Variants in DNER observed in about 807,000 individuals in gnomAD.
DNER encodes the protein delta and Notch-like epidermal growth factor-related receptor.
Under a neutral mutation model 78.2 loss-of-function variants are expected in DNER, and 33 were observed. The observed-to-expected ratio is 0.42, with a 90% CI of 0.32 to 0.56. DNER has a LOEUF of 0.56. Ranked by LOEUF, DNER falls within the 20% of genes least tolerant of loss-of-function variation. DNER has a pLI of 0.11. For missense variants in DNER, 918 were observed against 975.3 expected, an observed-to-expected ratio of 0.94 and a Z score of 0.78; for synonymous variants, 417 against 384.8, an observed-to-expected ratio of 1.08 and a Z score of -0.98.
chr2:229,602,624 A>G (rs568160117), intron 1 of DNER, among the ~76,000 whole-genome samples: 63 of 152,356 alleles, frequency 4.1e-4, no homozygotes, highest in Middle Eastern at 6.8e-3. Flanking sequence ...CAAGATCAAA[A>G]TTTACCAAAA....
At chr2:229,529,468 A>G (rs1366914271) in intron 5 of DNER, among the ~76,000 whole-genome samples, 1 of 152,182 alleles carries the variant, frequency 6.6e-6, no homozygotes, top group Non-Finnish European at 1.5e-5. Flanking sequence ...TTTCATCATC[A>G]CTTCAGCTGG....
At chr2:229,589,698 G>T (rs1697565674) in intron 2 of DNER, among the ~76,000 whole-genome samples, 1 of 152,142 alleles carries the variant, frequency 6.6e-6, no homozygotes, top group Non-Finnish European at 1.5e-5. Flanking sequence ...TGGTTAGGGA[G>T]AAATTTTCTT....
rs117010649 is a variant in DNER, at chr2:229,668,900, A to G, written c.276+45248T>C. On this transcript the variant is annotated intron_variant, in intron 1 of 12. Coordinates refer to ENST00000341772, the MANE Select transcript of DNER (RefSeq NM_139072.4). ...TATCCAAAGAATTATAAATTATTCT[A>G]CTATAAAGACATATGCACACCTATG... Among the ~76,000 whole-genome samples the G allele has an allele frequency of 3.3e-4, 50 of 152,204 alleles. 1 individual carries two copies. In the East Asian group the frequency reaches 9.3e-3, roughly 28 times the overall value.
At chr2:229,529,958 C>T (rs747898300) in intron 5 of DNER, among the ~76,000 whole-genome samples, 3 of 151,898 alleles carry the variant, frequency 2.0e-5, no homozygotes, top group Non-Finnish European at 4.4e-5. Flanking sequence ...GCAGTAATCA[C>T]ATCACTACAT....
chr2:229,567,985 T>C lies in DNER; in HGVS notation c.847+17873A>G, dbSNP rs555646532. 6.6e-5 allele frequency among the ~76,000 whole-genome samples: 10 copies of C among 152,250 alleles called. No individual in the cohort carries two copies. In the South Asian group the frequency reaches 1.5e-3, roughly 22 times the overall value. On this transcript the variant is annotated intron_variant, in intron 4 of 12. Coordinates refer to ENST00000341772, the MANE Select transcript of DNER (RefSeq NM_139072.4). ...CAGTCTTTACTGTCCAAAATCCCAA[T>C]CTGAGTGTGAACAGACTGCCTTCAC...
At chr2:229,398,369 A>G (rs1000590444) in intron 10 of DNER, among the ~76,000 whole-genome samples, 4 of 152,126 alleles carry the variant, frequency 2.6e-5, no homozygotes, top group African/African-American at 9.6e-5. Flanking sequence ...AAACTCCCCA[A>G]AAAGAAATCT....
rs1692131230 is a variant in DNER at position 229,358,234 on chromosome 2, T to C, written c.*306A>G. On this transcript the variant is annotated 3_prime_UTR_variant, in exon 13 of 13. Transcript: ENST00000341772. ...ACAGAAACTTCTCCTTGATTAGACT[T>C]ATTCTGTAACAACCACAGAAATTAA... 1 of 184,012 alleles carries C rather than the reference T, an allele frequency of 5.4e-6. No individual in the cohort carries two copies. The highest frequency in any genetic ancestry group is 1.5e-4 in the South Asian group (1 of 6,698). The allele number at this position is 184,012 out of a possible 1,614,324, so 11.4% of individuals were successfully genotyped here.
At chr2:229,564,409 T>C (rs1697055438) in intron 4 of DNER, among the ~76,000 whole-genome samples, 1 of 145,092 alleles carries the variant, frequency 6.9e-6, no homozygotes, top group African/African-American at 2.6e-5. Context: ...ATCATCAACA[T>C]CATCACACCA....
intron 4 of DNER, among the ~76,000 whole-genome samples, chr2:229,555,237 TTG>T (rs1696835333): frequency 6.6e-6 from 1 of 152,156 alleles, no homozygotes; most frequent in Non-Finnish European, 1.5e-5. Flanking sequence ...TTTATTTAAA[TTG>T]GCTTTGGGAA....
intron 4 of DNER, among the ~76,000 whole-genome samples, chr2:229,568,218 T>C (rs1697148264): frequency 6.6e-6 from 1 of 152,216 alleles, no homozygotes; most frequent in African/African-American, 2.4e-5. Flanking sequence ...TTATTTTTTA[T>C]TGTTTTAATT....
intron 1 of DNER, among the ~76,000 whole-genome samples, chr2:229,682,023 G>A (rs1699396466): frequency 6.6e-6 from 1 of 152,170 alleles, no homozygotes; most frequent in Non-Finnish European, 1.5e-5. Context: ...TGAATCAAAT[G>A]AATAGAAATC....
At position 229,700,595 on chromosome 2, in the gene DNER, C is replaced by T. The variant is rs561462874; in HGVS notation, c.276+13553G>A. 8.6e-5 allele frequency among the ~76,000 whole-genome samples: 13 copies of T among 152,046 alleles called. No individual in the cohort carries two copies. The South Asian group carries it at 2.7e-3, about 32-fold the overall frequency. Reference sequence around the variant, plus strand: ...ACACAATGGCATACTAGTCAACCATCGAAAATAATGGGTTTGCTTTCTGTT... The same window carrying T: ...ACACAATGGCATACTAGTCAACCATTGAAAATAATGGGTTTGCTTTCTGTT... On this transcript the variant is annotated intron_variant, in intron 1 of 12. Coordinates refer to ENST00000341772, the MANE Select transcript of DNER (RefSeq NM_139072.4).
chr2:229,460,752 T>C (rs1467013912), intron 7 of DNER, among the ~76,000 whole-genome samples: 1 of 152,122 alleles, frequency 6.6e-6, no homozygotes, highest in Non-Finnish European at 1.5e-5. Flanking sequence ...TACAGGTTTG[T>C]TGATGGATAT....
chr2:229,377,082 C>T (rs1467622887), intron 11 of DNER, among the ~76,000 whole-genome samples: 1 of 152,132 alleles, frequency 6.6e-6, no homozygotes, highest in Admixed American at 6.5e-5. Context: ...GGTGACTCAT[C>T]ATATATTCAA....
chr2:229,512,478 A>C (rs1166348859), intron 6 of DNER, among the ~76,000 whole-genome samples: 2 of 152,188 alleles, frequency 1.3e-5, no homozygotes, highest in Non-Finnish European at 2.9e-5. Flanking sequence ...GAAAAACCAA[A>C]CATCATATGT....
intron 11 of DNER, among the ~76,000 whole-genome samples, chr2:229,368,253 C>T (rs1692397412): frequency 6.6e-6 from 1 of 152,104 alleles, no homozygotes; most frequent in African/African-American, 2.4e-5. Flanking sequence ...GTCCTGGCTA[C>T]TCAGGAAGCT....
intron 6 of DNER, among the ~76,000 whole-genome samples, chr2:229,486,533 G>A (rs1695279146): frequency 6.6e-6 from 1 of 152,156 alleles, no homozygotes; most frequent in Non-Finnish European, 1.5e-5. Flanking sequence ...ACAATCAGCT[G>A]AGAGAGCTCA....
intron 12 of DNER, among the ~76,000 whole-genome samples, chr2:229,365,037 T>C (rs528895997): frequency 6.6e-6 from 1 of 152,174 alleles, no homozygotes; most frequent in African/African-American, 2.4e-5. Flanking sequence ...TAGGTAGATA[T>C]AAGAAAACAT....
chr2:229,366,742 A>G, intron 12 of DNER, 131 bp downstream of exon 12: 2 of 1,390,822 alleles, frequency 1.4e-6, no homozygotes, highest in Admixed American at 2.1e-5. Flanking sequence ...ATCCCCAAAT[A>G]CAATGTGGAA....
Sources: allele counts gnomAD v4.1 joint callset (sites outside exome capture counted in the v4.1 genomes callset), GRCh38; gene constraint gnomAD v4.1.1; transcripts MANE v1.5; gene names NCBI Gene and HGNC (gene_info 2026-07-23, HGNC 2026-07-21).